The following FRY variants were observed in gnomAD, a reference collection of about 807,000 sequenced individuals.
FRY encodes protein furry homolog.
Under a neutral mutation model 348.4 loss-of-function variants are expected in FRY, and 128 were observed. The ratio of observed to expected loss-of-function variants is 0.37; its 90% CI spans 0.32 to 0.43. The LOEUF is 0.43. Ranked by LOEUF, FRY falls within the 20% of genes least tolerant of loss-of-function variation. The pLI is 1.00. For missense variants in FRY, 2,736 were observed against 3,695.2 expected, an observed-to-expected ratio of 0.74 and a Z score of 6.73; for synonymous variants, 1,370 against 1,374.7, an observed-to-expected ratio of 1.00 and a Z score of 0.08.
intron 3 of FRY, among the ~76,000 whole-genome samples, chr13:32,106,467 A>G (rs1311222380): frequency 6.6e-6 from 1 of 152,218 alleles, no homozygotes; most frequent in African/African-American, 2.4e-5. Flanking sequence ...CAAATGGCAA[A>G]TAAAGTAAAA....
At chr13:32,087,789 G>A (rs17077047) in intron 2 of FRY, among the ~76,000 whole-genome samples, 6,082 of 152,200 alleles carry the variant, frequency 0.04, 175 homozygotes, top group East Asian at 0.11. Context: ...CTTTCATCCG[G>A]AACCCTTTTT....
intron 4 of FRY, among the ~76,000 whole-genome samples, chr13:32,123,586 C>T (rs1039486418): frequency 1.3e-5 from 2 of 152,172 alleles, no homozygotes; most frequent in African/African-American, 2.4e-5. Flanking sequence ...GCTCCTTTCA[C>T]GAGATCTTTC....
chr13:32,273,948 A>G (rs146762694), intron 55 of FRY, among the ~76,000 whole-genome samples: 2,358 of 152,318 alleles, frequency 0.015, 55 homozygotes, highest in African/African-American at 0.046. Context: ...TTGAGTGCCA[A>G]TGTGACACTC....
intron 43 of FRY, among the ~76,000 whole-genome samples, chr13:32,236,986 C>A (rs1445890645): frequency 6.6e-6 from 1 of 152,128 alleles, no homozygotes; most frequent in Non-Finnish European, 1.5e-5. Flanking sequence ...TTACCAGCTT[C>A]TTTCTGGATA....
chr13:32,224,281 G>C lies in FRY; in HGVS notation c.4812G>C (p.Glu1604Asp), dbSNP rs1885468387. 2 of 1,613,902 alleles carry C rather than the reference G, an allele frequency of 1.2e-6. No homozygotes were observed. The highest frequency in any genetic ancestry group is 2.7e-5 in the African/African-American group (2 of 74,892). Reference sequence around the variant, plus strand: ...CGGGCTGGTTGCTGACTATTACAGAGACCAAGCAGCCGCAGCCCTTACCGA... The same window carrying C: ...CGGGCTGGTTGCTGACTATTACAGACACCAAGCAGCCGCAGCCCTTACCGA... The part of the protein sequence containing the change: ...PYTGWLLTIT[E>D]TKQPQPLPMP... The change falls in exon 37 of 61, where the codon GAG (glutamate) becomes GAC (aspartate). Residue 1604 changes from glutamate (E) to aspartate (D), a missense_variant. Glu to Asp is a conservative substitution (Grantham distance 45). Coordinates refer to ENST00000542859, the MANE Select transcript of FRY (RefSeq NM_023037.3).
Position 32,266,903 on chromosome 13 carries a change from G to A in FRY, c.7947-267G>A, listed in dbSNP as rs144186438. Among the ~76,000 whole-genome samples the A allele has an allele frequency of 1.2e-3, 180 of 152,312 alleles. 1 individual carries two copies. Among genetic ancestry groups the A allele is most frequent in the African/African-American group, 4.0e-3 (167 of 41,578 alleles). ...GGTGACTGAGGCACGAGAATTGCTT[G>A]AACCCACGAGGCAGAGGTTGCAGTG... On this transcript the variant is annotated intron_variant, in intron 54 of 60. Coordinates refer to ENST00000542859, the MANE Select transcript of FRY (RefSeq NM_023037.3).
chr13:32,176,980 A>G (rs921612931), intron 20 of FRY, among the ~76,000 whole-genome samples: 3 of 152,166 alleles, frequency 2.0e-5, no homozygotes, highest in Non-Finnish European at 4.4e-5. Context: ...TTGCCATCTC[A>G]TCTCTCAGGC....
chr13:32,035,161 A>T (rs1037776581), intron 1 of FRY, among the ~76,000 whole-genome samples: 1 of 152,196 alleles, frequency 6.6e-6, no homozygotes, highest in African/African-American at 2.4e-5. Flanking sequence ...ATCCACTTCA[A>T]ATCGGATGTA....
chr13:32,090,302 G>C (rs1334413537), intron 2 of FRY, among the ~76,000 whole-genome samples: 3 of 144,278 alleles, frequency 2.1e-5, no homozygotes, highest in East Asian at 2.3e-4. Flanking sequence ...GAGCCGAGGT[G>C]GCACCACTGC....
chr13:32,089,598 C>T (rs141497227), intron 2 of FRY, among the ~76,000 whole-genome samples: 1 of 152,024 alleles, frequency 6.6e-6, no homozygotes, highest in East Asian at 1.9e-4. Context: ...CCCCCCATCT[C>T]TATCTACAAA....
At position 32,297,190 on chromosome 13, in the gene FRY, C is replaced by G. The variant is rs2072076036; in HGVS notation, c.*1730C>G. The G allele has an allele frequency of 1.3e-5, 2 of 151,824 alleles. No individual in the cohort carries two copies. The highest frequency in any genetic ancestry group is 4.8e-5 in the African/African-American group (2 of 41,314). 9.4% of individuals were successfully genotyped at this position (151,824 alleles called of 1,614,324 possible). On this transcript the variant is annotated 3_prime_UTR_variant, in exon 61 of 61. Coordinates refer to ENST00000542859, the MANE Select transcript of FRY (RefSeq NM_023037.3). The stretch of plus-strand genomic sequence containing the variant: ...CCTAACCTAGGATTTTTTTTAAATC[C>G]TAGTAGTTGCTACAGATGCAACTAC...
At chr13:32,240,489 G>A (rs918291165) in intron 46 of FRY, among the ~76,000 whole-genome samples, 6 of 152,238 alleles carry the variant, frequency 3.9e-5, no homozygotes, top group Admixed American at 3.9e-4. Flanking sequence ...CGCCTTTTAT[G>A]TTTGTTTTTA....
chr13:32,196,261 A>G (rs933309099), intron 29 of FRY, among the ~76,000 whole-genome samples: 3 of 152,230 alleles, frequency 2.0e-5, no homozygotes, highest in Non-Finnish European at 4.4e-5. Context: ...AATTCTTGTA[A>G]GATAAATAAT....
chr13:32,174,995 A>G (rs919111655), intron 19 of FRY, among the ~76,000 whole-genome samples: 1 of 152,146 alleles, frequency 6.6e-6, no homozygotes, highest in Non-Finnish European at 1.5e-5. Context: ...TAGAATTTTC[A>G]CTAAGATACT....
intron 47 of FRY, 93 bp downstream of exon 47, chr13:32,244,275 G>T (rs1180275475): frequency 1.2e-5 from 14 of 1,175,848 alleles, no homozygotes; most frequent in Non-Finnish European, 1.6e-5. Flanking sequence ...CTGGGTGCCA[G>T]GCCACTCATT....
intron 14 of FRY, among the ~76,000 whole-genome samples, chr13:32,154,240 C>T (rs551909732): frequency 2.6e-5 from 4 of 152,076 alleles, no homozygotes; most frequent in Admixed American, 1.3e-4. Context: ...TAATGGGCTT[C>T]GATACACGGA....
Position 32,131,653 on chromosome 13 carries a change from A to G in FRY, c.717-19A>G, listed in dbSNP as rs957931723. 6.2e-7 allele frequency: 1 copy of G among 1,601,972 alleles called. No homozygotes were observed. On this transcript the variant is annotated intron_variant, in intron 7 of 60. Coordinates refer to ENST00000542859, the MANE Select transcript of FRY (RefSeq NM_023037.3). Reference sequence around the variant, plus strand: ...TTTCCTACCCAATATTTGATAAACCACTTATGTTATCTTCTTAGATTCCCT... The same window carrying G: ...TTTCCTACCCAATATTTGATAAACCGCTTATGTTATCTTCTTAGATTCCCT...
chr13:32,106,815 G>A (rs986927472), intron 3 of FRY, among the ~76,000 whole-genome samples: 9 of 152,182 alleles, frequency 5.9e-5, no homozygotes, highest in Non-Finnish European at 1.3e-4. Context: ...TTGGGTAACA[G>A]CTAGATGTAT....
rs754908393 is a variant in FRY, at chr13:32,171,003, G to A, written c.1893-9G>A. On this transcript the variant is annotated splice_polypyrimidine_tract_variant and intron_variant, in intron 17 of 60. Transcript: ENST00000542859. ...TAAATGATTTTATTTTCCTTTATTC[G>A]TTTCACAGGCTCTCTATTCATATGG... The A allele has an allele frequency of 1.3e-5, 20 of 1,592,686 alleles. No individual in the cohort carries two copies. Among genetic ancestry groups the A allele is most frequent in the Non-Finnish European group, 1.5e-5 (17 of 1,160,610 alleles).
Sources: gnomAD v4.1 joint callset for allele counts (sites outside exome capture counted in the v4.1 genomes callset) on GRCh38, gnomAD v4.1.1 for gene constraint, MANE v1.5 for transcripts, NCBI Gene and HGNC (gene_info 2026-07-23, HGNC 2026-07-21) for gene names.